Variants in ARHGAP28 observed in about 807,000 individuals in gnomAD.
ARHGAP28 encodes the protein Rho GTPase activating protein 28, also known as rho GTPase-activating protein 28.
A neutral mutation model predicts 90.7 loss-of-function variants in ARHGAP28; 56 were observed. The observed-to-expected ratio is 0.62, with a 90% CI of 0.50 to 0.77. The LOEUF (loss-of-function observed/expected upper bound fraction) is 0.77, where lower values mean the gene tolerates loss of function less well. Ranked by LOEUF, ARHGAP28 falls within the 30% of genes least tolerant of loss-of-function variation. The pLI, the probability that ARHGAP28 is intolerant of heterozygous loss-of-function variation, is 0.00. For missense variants in ARHGAP28, 869 were observed against 900.9 expected (o/e 0.96, Z 0.45); for synonymous variants, 308 against 323.3 (o/e 0.95, Z 0.51).
intron 3 of ARHGAP28, among the ~76,000 whole-genome samples, chr18:6,841,093 T>C (rs2143895887): frequency 6.7e-6 from 1 of 148,912 alleles, no homozygotes; most frequent in African/African-American, 2.5e-5. Context: ...TTCCTCCTCC[T>C]GTCCTGTGTC....
chr18:6,904,445 C>G (rs1053144287), intron 16 of ARHGAP28, among the ~76,000 whole-genome samples: 1 of 152,050 alleles, frequency 6.6e-6, no homozygotes, highest in Non-Finnish European at 1.5e-5. Flanking sequence ...TGGGATGCAG[C>G]TAAAGCTGTG....
At chr18:6,741,714 G>A (rs2143183434) in intron 1 of ARHGAP28, among the ~76,000 whole-genome samples, 1 of 152,304 alleles carries the variant, frequency 6.6e-6, no homozygotes, top group East Asian at 1.9e-4. Flanking sequence ...ATCTTAAACA[G>A]GAATTCATCA....
chr18:6,847,705 A>G (rs1032908293), intron 3 of ARHGAP28, among the ~76,000 whole-genome samples: 1 of 152,056 alleles, frequency 6.6e-6, no homozygotes. Flanking sequence ...TGTAAAATAT[A>G]TTAGCTTAAA....
At chr18:6,779,921 TCCC>T (rs2056311741) in intron 1 of ARHGAP28, among the ~76,000 whole-genome samples, 2 of 151,976 alleles carry the variant, frequency 1.3e-5, no homozygotes, top group Non-Finnish European at 2.9e-5. Flanking sequence ...AACCTGAGAG[TCCC>T]TAGCTTACAT....
rs2056762006 is a variant in ARHGAP28 at position 6,837,379 on chromosome 18, G to A, written c.508G>A (p.Asp170Asn). Residue 170 changes from aspartate to asparagine, a missense_variant, in exon 3 of 18, where the codon GAT becomes AAT. By Grantham distance (23) the Asp-to-Asn change is conservative. Coordinates refer to ENST00000383472, the MANE Select transcript of ARHGAP28 (RefSeq NM_001366230.1). The part of the protein sequence containing the change: ...MRKKDKQSIR[D>N]VRDIFGVSES... Reference sequence around the variant, plus strand: ...GAAAAAGGATAAGCAATCTATCAGGGATGTCAGAGACATTTTTGGAGTCAG... The same window carrying A: ...GAAAAAGGATAAGCAATCTATCAGGAATGTCAGAGACATTTTTGGAGTCAG... 2 of 1,531,998 alleles carry A rather than the reference G, an allele frequency of 1.3e-6. No individual in the cohort carries two copies. The highest frequency in any genetic ancestry group is 1.8e-6 in the Non-Finnish European group (2 of 1,128,272). 94.9% of individuals were successfully genotyped at this position (1,531,998 alleles called of 1,614,324 possible).
At chr18:6,756,428 A>T (rs1452911669) in intron 1 of ARHGAP28, among the ~76,000 whole-genome samples, 1 of 152,244 alleles carries the variant, frequency 6.6e-6, no homozygotes, top group Non-Finnish European at 1.5e-5. Context: ...GAAGAATAAG[A>T]TACCACATAG....
chr18:6,846,466 G>A (rs957546645), intron 3 of ARHGAP28, among the ~76,000 whole-genome samples: 2 of 152,208 alleles, frequency 1.3e-5, no homozygotes, highest in Admixed American at 1.3e-4. Flanking sequence ...AAGGTAGACC[G>A]AGGTCTGGAC....
intron 16 of ARHGAP28, among the ~76,000 whole-genome samples, chr18:6,899,195 G>A (rs894078793): frequency 1.3e-5 from 2 of 152,054 alleles, no homozygotes; most frequent in African/African-American, 4.8e-5. Context: ...AGACCCCCGT[G>A]TGTTTAAGTT....
Position 6,859,797 on chromosome 18 carries a change from T to G in ARHGAP28, c.637-11T>G, listed in dbSNP as rs1011429718. On this transcript the variant is annotated splice_polypyrimidine_tract_variant and intron_variant, in intron 4 of 17. Coordinates refer to ENST00000383472, the MANE Select transcript of ARHGAP28 (RefSeq NM_001366230.1). ...CCTGAATAAGAATGGTACTTTTATT[T>G]CTCCATTTAGCCAGATGATGCTTCT... The G allele has an allele frequency of 6.2e-7, 1 of 1,612,168 alleles. No individual in the cohort carries two copies. The highest frequency in any genetic ancestry group is 8.5e-7 in the Non-Finnish European group (1 of 1,178,744).
In ARHGAP28 at chr18:6,759,826, C is replaced by A. The variant is rs1395125110; in HGVS notation, c.122+29883C>A. On this transcript the variant is annotated intron_variant, in intron 1 of 17. Transcript: ENST00000383472. ...AATTTCACCCCAAGTCTCCGCTTCC[C>A]ACTGTGTTTAAAAACTGTGGTCACA... Among the ~76,000 whole-genome samples, 4 of 152,266 alleles carry A rather than the reference C, an allele frequency of 2.6e-5. No individual in the cohort carries two copies. In the East Asian group the frequency reaches 7.7e-4, roughly 29 times the overall value.
intron 1 of ARHGAP28, among the ~76,000 whole-genome samples, chr18:6,755,721 A>G (rs79726708): frequency 0.013 from 1,926 of 152,348 alleles, 39 homozygotes; most frequent in African/African-American, 0.044. Flanking sequence ...TGAGCAAACC[A>G]GAACATGTGG....
chr18:6,900,380 A>G (rs779140064), intron 16 of ARHGAP28, among the ~76,000 whole-genome samples: 3 of 152,240 alleles, frequency 2.0e-5, no homozygotes, highest in Admixed American at 6.5e-5. Flanking sequence ...TATAGCAACT[A>G]TCACAAAAAG....
rs1397883245 is a variant in ARHGAP28 at position 6,813,170 on chromosome 18, GCTT to G, written c.123-11585_123-11583del. 3.9e-5 allele frequency among the ~76,000 whole-genome samples: 6 copies of G among 152,166 alleles called. 1 individual carries two copies. Among genetic ancestry groups the G allele is most frequent in the Admixed American group, 3.9e-4 (6 of 15,268 alleles). On this transcript the variant is annotated intron_variant, in intron 1 of 17. Transcript: ENST00000383472. ...AAAGCTGAGTAAAATGGAAGTCTTA[GCTT>G]CTTCTTTCTTGAATGATTTTAAAAT... is the stretch of plus-strand genomic sequence containing the variant.
At chr18:6,830,807 T>C (rs1477666204) in intron 2 of ARHGAP28, among the ~76,000 whole-genome samples, 1 of 152,248 alleles carries the variant, frequency 6.6e-6, no homozygotes, top group Non-Finnish European at 1.5e-5. Context: ...CCCATAACAG[T>C]AATATTCCAT....
At chr18:6,870,873 T>A in intron 7 of ARHGAP28, 141 bp downstream of exon 7, 1 of 839,902 alleles carries the variant, frequency 1.2e-6, no homozygotes, top group Non-Finnish European at 1.7e-6. Flanking sequence ...CGATCTCGGC[T>A]CACTGCAAGC....
intron 9 of ARHGAP28, among the ~76,000 whole-genome samples, chr18:6,874,130 T>C (rs1295385822): frequency 6.6e-6 from 1 of 152,260 alleles, no homozygotes; most frequent in East Asian, 1.9e-4. Flanking sequence ...TTGATTATTC[T>C]ATCTAGATAA....
At chr18:6,754,322 G>A (rs976715516) in intron 1 of ARHGAP28, among the ~76,000 whole-genome samples, 7 of 152,086 alleles carry the variant, frequency 4.6e-5, no homozygotes, top group Admixed American at 2.0e-4. Flanking sequence ...AACTGTATTT[G>A]GATAAGTAGA....
Position 6,844,495 on chromosome 18 carries a change from G to A in ARHGAP28, c.544-6539G>A, listed in dbSNP as rs139796599. On this transcript the variant is annotated intron_variant, in intron 3 of 17. Coordinates refer to ENST00000383472, the MANE Select transcript of ARHGAP28 (RefSeq NM_001366230.1). ...TTGATAAATTGCTAAATGCAATGAC[G>A]AGTGCATAGGTAATCATAGCTATGG... is the stretch of plus-strand genomic sequence containing the variant. Among the ~76,000 whole-genome samples the A allele has an allele frequency of 1.6e-4, 25 of 152,270 alleles. No individual in the cohort carries two copies. In the East Asian group the frequency reaches 4.4e-3, roughly 27 times the overall value.
At chr18:6,876,485 A>G (rs1289383748) in intron 10 of ARHGAP28, among the ~76,000 whole-genome samples, 1 of 152,254 alleles carries the variant, frequency 6.6e-6, no homozygotes, top group Non-Finnish European at 1.5e-5. Flanking sequence ...TAGTTTGGAA[A>G]AAATGAAATA....
Sources: allele counts gnomAD v4.1 joint callset (sites outside exome capture counted in the v4.1 genomes callset), GRCh38; gene constraint gnomAD v4.1.1; transcripts MANE v1.5; gene names NCBI Gene and HGNC (gene_info 2026-07-23, HGNC 2026-07-21).